Variants in GDPD5 observed in about 807,000 individuals in gnomAD.
GDPD5 encodes the protein glycerophosphodiester phosphodiesterase domain containing 5, also known as glycerophosphodiester phosphodiesterase 2.
A neutral mutation model predicts 75.1 loss-of-function variants in GDPD5; 48 were observed. That is an observed-to-expected ratio of 0.64 (90% CI 0.51 to 0.81). The LOEUF is 0.81. Among genes scored for constraint, GDPD5 ranks in the 40% least tolerant of loss-of-function variants. The probability of loss-of-function intolerance (pLI) is 0.00; values close to 1 mark genes in which losing one functional copy is unlikely to be tolerated. For synonymous variants in GDPD5, 336 were observed against 339.0 expected (o/e 0.99, Z 0.10); for missense variants, 706 against 822.6 (o/e 0.86, Z 1.73).
At chr11:75,448,600 C>G in intron 9 of GDPD5, 3 of 1,016,770 alleles carry the variant, frequency 3.0e-6, no homozygotes, top group South Asian at 8.8e-5. Context: ...CTCACTGTCA[C>G]AGTGGGCTCT....
chr11:75,441,135 C>A (rs1405324463), intron 14 of GDPD5, 28 bp downstream of exon 14: 1 of 1,610,140 alleles, frequency 6.2e-7, no homozygotes, highest in South Asian at 1.1e-5. Flanking sequence ...AGCACTGCCC[C>A]CCAGGGGCCC....
chr11:75,494,207 CTTTTT>C (rs55639442), intron 1 of GDPD5, among the ~76,000 whole-genome samples: 2 of 90,412 alleles, frequency 2.2e-5, no homozygotes, highest in Admixed American at 2.2e-4. Context: ...CATTCGTTTA[CTTTTT>C]TTTTTTTTTT....
At chr11:75,442,878 A>C (rs1948863292) in intron 11 of GDPD5, 1 of 603,858 alleles carries the variant, frequency 1.7e-6, no homozygotes, top group African/African-American at 1.9e-5. Flanking sequence ...AGAGTTTTAC[A>C]GAGTTAAGAA....
chr11:75,497,775 G>A (rs1481070054), intron 1 of GDPD5, among the ~76,000 whole-genome samples: 2 of 152,176 alleles, frequency 1.3e-5, no homozygotes, highest in African/African-American at 4.8e-5. Context: ...CCAAAGAGGG[G>A]TTAGTGGGCC....
At chr11:75,450,413 C>T in intron 6 of GDPD5, 1 of 189,608 alleles carries the variant, frequency 5.3e-6, no homozygotes, top group Non-Finnish European at 1.1e-5. Flanking sequence ...CATGCCCAGG[C>T]CTCAGGGGAA....
In GDPD5 at chr11:75,441,738, T is replaced by G; in HGVS notation, c.1233A>C (p.Thr411=). ...TGGCGACTGCCTCCTTGGAGCCTGA[T>G]GTCTGTTGGAAGCCGGGAGCCACCT... ...VRKVAPGFQQ[T]SGSKEAVASL... Residue 411 remains threonine (T), a synonymous_variant, in exon 13 of 17, where the codon ACA becomes ACC. Transcript: ENST00000336898. 1 of 1,611,796 alleles carries G rather than the reference T, an allele frequency of 6.2e-7. No individual in the cohort carries two copies. Among genetic ancestry groups the G allele is most frequent in the Middle Eastern group, 1.7e-4 (1 of 6,026 alleles).
In GDPD5 at chr11:75,479,965, T is replaced by A. The variant is rs960845552; in HGVS notation, c.-60-2170A>T. Among the ~76,000 whole-genome samples the A allele has an allele frequency of 2.0e-5, 3 of 152,220 alleles. No homozygotes were observed. The South Asian group carries it at 6.2e-4, about 31-fold the overall frequency. ...ATCCATTGATCAGCTGATGGACATA[T>A]GGGTTGTTATCACTTTTGGGTTGTT... On this transcript the variant is annotated intron_variant, in intron 2 of 16. Coordinates refer to ENST00000336898, the MANE Select transcript of GDPD5 (RefSeq NM_030792.8).
chr11:75,449,965 G>A lies in GDPD5; in HGVS notation c.394C>T (p.Leu132=). Residue 132 remains leucine (L), a synonymous_variant, in exon 7 of 17, where the codon CTG becomes TTG. Coordinates refer to ENST00000336898, the MANE Select transcript of GDPD5 (RefSeq NM_030792.8). Reference sequence around the variant, plus strand: ...GACATGGCCACCACCGTGGAAGCCAGGATGACCACCAGCCCGATCTGGAGG... The same window carrying A: ...GACATGGCCACCACCGTGGAAGCCAAGATGACCACCAGCCCGATCTGGAGG... The part of the protein sequence containing the change: ...WLHKIGLVVI[L]ASTVVAMSAV... 2 of 1,613,770 alleles carry A rather than the reference G, an allele frequency of 1.2e-6. No individual in the cohort carries two copies. Among genetic ancestry groups the A allele is most frequent in the Non-Finnish European group, 1.7e-6 (2 of 1,180,020 alleles).
intron 2 of GDPD5, among the ~76,000 whole-genome samples, chr11:75,480,472 G>A (rs1325807237): frequency 3.3e-5 from 5 of 152,246 alleles, no homozygotes; most frequent in African/African-American, 4.8e-5. Flanking sequence ...ATCCTCCTGC[G>A]TTGCTGGGAC....
intron 1 of GDPD5, among the ~76,000 whole-genome samples, chr11:75,513,572 T>C (rs1950575622): frequency 6.6e-6 from 1 of 152,172 alleles, no homozygotes; most frequent in Non-Finnish European, 1.5e-5. Flanking sequence ...AAAGTTAAAC[T>C]GTCATGTGTC....
At chr11:75,439,098 G>A (rs1790157) in intron 15 of GDPD5, among the ~76,000 whole-genome samples, 15,975 of 152,258 alleles carry the variant, frequency 0.1, 992 homozygotes, top group East Asian at 0.17. Flanking sequence ...TCAAGGAAAC[G>A]CTGGTCCCCA....
intron 9 of GDPD5, among the ~76,000 whole-genome samples, chr11:75,445,174 C>T (rs1017922362): frequency 2.6e-5 from 4 of 152,104 alleles, no homozygotes; most frequent in African/African-American, 7.2e-5. Flanking sequence ...TTTTAAGAGA[C>T]AAGGTCTTGC....
At chr11:75,488,451 C>T (rs1413497448) in intron 2 of GDPD5, among the ~76,000 whole-genome samples, 1 of 152,016 alleles carries the variant, frequency 6.6e-6, no homozygotes, top group Non-Finnish European at 1.5e-5. Context: ...GTGGGGCACA[C>T]CAAGTAAATG....
At chr11:75,517,807 T>TA (rs60187202) in intron 1 of GDPD5, among the ~76,000 whole-genome samples, 23,237 of 148,582 alleles carry the variant, frequency 0.16, 1,864 homozygotes, top group Admixed American at 0.2. Flanking sequence ...TCCCCTAGAT[T>TA]AAAAAAAAAA....
At chr11:75,441,418 G>T in intron 13 of GDPD5, 108 bp from the exon 14 acceptor site, 1 of 1,411,316 alleles carries the variant, frequency 7.1e-7, no homozygotes, top group Non-Finnish European at 9.8e-7. Context: ...CCATGCCCGG[G>T]GCAAGGAACA....
chr11:75,473,958 G>T lies in GDPD5; in HGVS notation c.117+3661C>A, dbSNP rs1373196862. 2.0e-5 allele frequency among the ~76,000 whole-genome samples: 3 copies of T among 152,222 alleles called. No individual in the cohort carries two copies. The East Asian group carries it at 5.8e-4, about 29-fold the overall frequency. On this transcript the variant is annotated intron_variant, in intron 3 of 16. Transcript: ENST00000336898. Reference sequence around the variant, plus strand: ...AAGCCTGGGGGCCGGCCCTTCAAGGGAGGGGAAAACCAGGTCTGATATACT... The same window carrying T: ...AAGCCTGGGGGCCGGCCCTTCAAGGTAGGGGAAAACCAGGTCTGATATACT...
Position 75,439,878 on chromosome 11 carries a change from C to G in GDPD5, c.1556+1G>C, listed in dbSNP as rs1186199983. Reference sequence around the variant, plus strand: ...CACGGAAGTGGTCAGATCCTACTCACTTCTGGAGCACGAAGATGCCCACGA... The same window carrying G: ...CACGGAAGTGGTCAGATCCTACTCAGTTCTGGAGCACGAAGATGCCCACGA... On this transcript the variant is annotated splice_donor_variant, in intron 15 of 16. Coordinates refer to ENST00000336898, the MANE Select transcript of GDPD5 (RefSeq NM_030792.8). LOFTEE classifies it high-confidence loss of function. 6.2e-7 allele frequency: 1 copy of G among 1,613,284 alleles called. No homozygotes were observed. Among genetic ancestry groups the G allele is most frequent in the South Asian group, 1.1e-5 (1 of 91,056 alleles).
chr11:75,480,614 T>C (rs1439005968), intron 2 of GDPD5, among the ~76,000 whole-genome samples: 2 of 152,184 alleles, frequency 1.3e-5, no homozygotes, highest in Admixed American at 6.5e-5. Flanking sequence ...ATCCCCATTT[T>C]ATAGATGAGA....
chr11:75,452,220 C>A (rs1949179393), intron 6 of GDPD5: 1 of 152,222 alleles, frequency 6.6e-6, no homozygotes, highest in African/African-American at 2.4e-5. Context: ...TGGCAGACAG[C>A]TGGCCCAGGG....
Sources: allele counts gnomAD v4.1 joint callset (sites outside exome capture counted in the v4.1 genomes callset), GRCh38; gene constraint gnomAD v4.1.1; transcripts MANE v1.5; gene names NCBI Gene and HGNC (gene_info 2026-07-23, HGNC 2026-07-21).